CALN1: variants seen among roughly 807,000 people sequenced by gnomAD.
The protein encoded by CALN1 is calcium-binding protein 8.
A neutral mutation model predicts 30.6 loss-of-function variants in CALN1; 17 were observed. That is an observed-to-expected ratio of 0.56 (90% CI 0.38 to 0.83). CALN1 has a LOEUF of 0.83. Ranked by LOEUF, CALN1 falls within the 40% of genes least tolerant of loss-of-function variation. The probability of loss-of-function intolerance (pLI) is 0.00; values close to 1 mark genes in which losing one functional copy is unlikely to be tolerated. For synonymous variants in CALN1, 156 were observed against 131.4 expected (o/e 1.19, Z -1.28); for missense variants, 291 against 354.9 (o/e 0.82, Z 1.45).
intron 2 of CALN1, among the ~76,000 whole-genome samples, chr7:72,348,679 A>C (rs1297218959): frequency 6.6e-6 from 1 of 152,242 alleles, no homozygotes; most frequent in Non-Finnish European, 1.5e-5. Context: ...CCCGGCGGGT[A>C]CAATACAGCC....
chr7:71,951,594 A>G (rs1453037502), intron 5 of CALN1, among the ~76,000 whole-genome samples: 2 of 152,166 alleles, frequency 1.3e-5, no homozygotes, highest in African/African-American at 4.8e-5. Flanking sequence ...CCATCTCAAT[A>G]ACAAACAAAC....
At chr7:72,198,241 T>C (rs1176602304) in intron 3 of CALN1, among the ~76,000 whole-genome samples, 1 of 152,222 alleles carries the variant, frequency 6.6e-6, no homozygotes, top group African/African-American at 2.4e-5. Context: ...ATCAGATATT[T>C]CAATACTTGC....
intron 2 of CALN1, among the ~76,000 whole-genome samples, chr7:72,329,046 C>T (rs1300060910): frequency 6.6e-6 from 1 of 152,224 alleles, no homozygotes; most frequent in African/African-American, 2.4e-5. Context: ...AATGTGTGTT[C>T]ATTTGCAAAA....
chr7:72,377,565 G>A (rs965234382), intron 2 of CALN1, among the ~76,000 whole-genome samples: 1 of 151,876 alleles, frequency 6.6e-6, no homozygotes, highest in African/African-American at 2.4e-5. Context: ...CCTTGCTTAG[G>A]GGTTTGTTGT....
At chr7:71,808,166 A>G (rs1036610657) in intron 6 of CALN1, among the ~76,000 whole-genome samples, 72 of 152,038 alleles carry the variant, frequency 4.7e-4, no homozygotes, top group Non-Finnish European at 1.6e-4. Context: ...TAATACCATA[A>G]TTATTACCAT....
intron 1 of CALN1, among the ~76,000 whole-genome samples, chr7:72,432,847 C>G (rs1447043501): frequency 6.6e-6 from 1 of 152,124 alleles, no homozygotes; most frequent in African/African-American, 2.4e-5. Context: ...TCTTTTAAAA[C>G]CAGGAAATCG....
At chr7:71,820,807 T>C (rs368696275) in intron 5 of CALN1, among the ~76,000 whole-genome samples, 1 of 152,212 alleles carries the variant, frequency 6.6e-6, no homozygotes, top group East Asian at 1.9e-4. Context: ...TACCCTTTGC[T>C]GATACAAAGG....
chr7:71,789,962 G>A (rs1793223461), intron 6 of CALN1, among the ~76,000 whole-genome samples: 1 of 151,882 alleles, frequency 6.6e-6, no homozygotes. Flanking sequence ...ATTTAGCTGG[G>A]TGTCGTTGGT....
chr7:71,870,040 TGAG>T (rs1236334914), intron 5 of CALN1, among the ~76,000 whole-genome samples: 7 of 152,114 alleles, frequency 4.6e-5, no homozygotes, highest in African/African-American at 1.4e-4. Context: ...AAAGGAACGA[TGAG>T]GAGTGGGGAT....
At chr7:72,391,582 G>A (rs1276987566) in intron 2 of CALN1, among the ~76,000 whole-genome samples, 1 of 152,138 alleles carries the variant, frequency 6.6e-6, no homozygotes, top group Non-Finnish European at 1.5e-5. Flanking sequence ...CCCACATGCT[G>A]TGGGAGAGAC....
rs372078179 is a variant in CALN1 at position 71,904,709 on chromosome 7, T to C, written c.502-94217A>G. Among the ~76,000 whole-genome samples the C allele has an allele frequency of 9.2e-5, 14 of 152,330 alleles. 1 individual carries two copies. In the East Asian group the frequency reaches 2.1e-3, roughly 23 times the overall value. ...TGGACAAATGCATTCTCCACAAAAA[T>C]GATAACTATTTGAGGTCACGCATTT... On this transcript the variant is annotated intron_variant, in intron 5 of 6. Transcript: ENST00000395275.
rs1584644328 is a variant in CALN1, at chr7:71,971,946, AAAAAAAAAAAGAAAGAAAGAAAGAAAG to A, written c.501+51684_501+51710del. Among the ~76,000 whole-genome samples the A allele has an allele frequency of 1.6e-5, 2 of 122,184 alleles. 1 individual carries two copies. The highest frequency in any genetic ancestry group is 4.8e-4 in the East Asian group (2 of 4,196). 80.2% of individuals were successfully genotyped at this position (122,184 alleles called of 152,430 possible). ...ACCCTGTCTCAAAAAAAAAAAAAAA[AAAAAAAAAAAGAAAGAAAGAAAGAAAG>A]AAAGAAAGAAAGAAAGAAAGAGAAA... On this transcript the variant is annotated intron_variant, in intron 5 of 6. Transcript: ENST00000395275.
intron 4 of CALN1, among the ~76,000 whole-genome samples, chr7:72,038,811 C>A (rs1414379169): frequency 2.6e-5 from 4 of 152,204 alleles, no homozygotes; most frequent in Admixed American, 6.5e-5. Context: ...CAAGAAGTTA[C>A]CCTATAGGGT....
In CALN1 at chr7:72,014,364, G is replaced by A. The variant is rs183561824; in HGVS notation, c.501+9293C>T. On this transcript the variant is annotated intron_variant, in intron 5 of 6. Coordinates refer to ENST00000395275, the MANE Select transcript of CALN1 (RefSeq NM_031468.4). ...AGCTTCCCAAAGTGCTGGGATTACA[G>A]GCGTGAGCCACTGCAACCAGCTGAG... is the stretch of plus-strand genomic sequence containing the variant. Among the ~76,000 whole-genome samples, 11 of 152,256 alleles carry A rather than the reference G, an allele frequency of 7.2e-5. No homozygotes were observed. In the East Asian group the frequency reaches 1.9e-3, roughly 27 times the overall value.
intron 3 of CALN1, among the ~76,000 whole-genome samples, chr7:72,118,141 G>A (rs1419125448): frequency 4.6e-5 from 7 of 151,998 alleles, no homozygotes; most frequent in Non-Finnish European, 7.4e-5. Flanking sequence ...TTACCTCATA[G>A]CCAAAACCAC....
At chr7:71,956,742 G>C (rs1045232085) in intron 5 of CALN1, among the ~76,000 whole-genome samples, 11 of 152,218 alleles carry the variant, frequency 7.2e-5, no homozygotes, top group African/African-American at 2.6e-4. Context: ...TGCCACCCAA[G>C]TTGGAGTGCA....
At chr7:72,115,126 A>G (rs1204745280) in intron 3 of CALN1, among the ~76,000 whole-genome samples, 3 of 147,794 alleles carry the variant, frequency 2.0e-5, no homozygotes, top group African/African-American at 4.9e-5. Flanking sequence ...ATAGTATAAT[A>G]TAAATATATA....
the CALN1 span, among the ~76,000 whole-genome samples, chr7:72,486,925 T>A: frequency 6.6e-6 from 1 of 152,214 alleles, no homozygotes; most frequent in Non-Finnish European, 1.5e-5. Context: ...TGGGGCAACA[T>A]TTATTTTGCT....
At chr7:72,278,866 T>C in intron 2 of CALN1, 56 bp from the exon 3 acceptor site, 1 of 1,573,970 alleles carries the variant, frequency 6.4e-7, no homozygotes, top group Admixed American at 1.7e-5. Flanking sequence ...TCATTCTTCC[T>C]TTCCTTTCTT....
Sources: allele counts gnomAD v4.1 joint callset (sites outside exome capture counted in the v4.1 genomes callset), GRCh38; gene constraint gnomAD v4.1.1; transcripts MANE v1.5; gene names NCBI Gene and HGNC (gene_info 2026-07-23, HGNC 2026-07-21).